Variants in ATM observed in about 807,000 individuals in gnomAD.
The protein encoded by ATM is ATM serine/threonine kinase, also known as serine-protein kinase ATM.
ATM carries 308 observed loss-of-function variants against 387.0 expected under a neutral mutation model. The ratio of observed to expected loss-of-function variants is 0.80; its 90% CI spans 0.73 to 0.87. The LOEUF (loss-of-function observed/expected upper bound fraction) is 0.87, where lower values mean the gene tolerates loss of function less well. ATM is among the 40% of genes least tolerant of loss of function. The probability of loss-of-function intolerance (pLI) is 0.00; values close to 1 mark genes in which losing one functional copy is unlikely to be tolerated. For missense variants in ATM, 3,312 were observed against 3,560.9 expected (o/e 0.93, Z 1.78); for synonymous variants, 1,156 against 1,187.3 (o/e 0.97, Z 0.54).
chr11:108,336,045 A>C, intron 56 of ATM, 84 bp downstream of exon 56: 3 of 1,083,834 alleles, frequency 2.8e-6, no homozygotes, highest in Non-Finnish European at 4.2e-6. Flanking sequence ...GCCCATATTC[A>C]TAATGCTTTG....
chr11:108,261,211 C>A (rs554646980), intron 16 of ATM, among the ~76,000 whole-genome samples: 1 of 152,362 alleles, frequency 6.6e-6, no homozygotes, highest in East Asian at 1.9e-4. Flanking sequence ...ACAGCAGTAA[C>A]CTCTGCAGAC....
chr11:108,268,985 A>G (rs1565420842), intron 18 of ATM, among the ~76,000 whole-genome samples: 2 of 152,204 alleles, frequency 1.3e-5, no homozygotes, highest in Non-Finnish European at 2.9e-5. Flanking sequence ...TGATTTCAAA[A>G]TGATAGTGAA....
At chr11:108,334,700 CCTT>C (rs1166276157) in intron 54 of ATM, among the ~76,000 whole-genome samples, 3 of 152,222 alleles carry the variant, frequency 2.0e-5, no homozygotes, top group South Asian at 4.1e-4. Flanking sequence ...CCAGAAAACT[CCTT>C]CTACTGTTTT....
chr11:108,266,789 ATTTT>A (rs893198517), intron 16 of ATM, among the ~76,000 whole-genome samples: 3 of 132,580 alleles, frequency 2.3e-5, no homozygotes, highest in African/African-American at 2.9e-5. Flanking sequence ...GATTAGGTAA[ATTTT>A]TTTTTTTTTT....
At position 108,365,190 on chromosome 11, in the gene ATM, G is replaced by T. The variant is rs863224582; in HGVS notation, c.8959G>T (p.Asp2987Tyr). The T allele has an allele frequency of 3.7e-6, 6 of 1,614,216 alleles. No homozygotes were observed. Among genetic ancestry groups the T allele is most frequent in the Middle Eastern group, 1.6e-4 (1 of 6,062 alleles). ...ETELHPTLNA[D>Y]DQECKRNLSD... ...TGAGCTTCACCCTACTCTGAATGCA[G>T]ATGACCAAGAATGCAAACGAAATCT... is the stretch of plus-strand genomic sequence containing the variant. The change falls in exon 62 of 63, where the codon GAT becomes TAT. Residue 2987 changes from aspartate to tyrosine, a missense_variant. Physicochemically the swap from Asp to Tyr is radical, Grantham distance 160. Transcript: ENST00000675843.
chr11:108,266,140 A>G (rs201174168), intron 16 of ATM, among the ~76,000 whole-genome samples: 2 of 149,616 alleles, frequency 1.3e-5, no homozygotes, highest in Admixed American at 1.3e-4. Context: ...CTGGGTATAT[A>G]CCCAAAGGAC....
rs1555055198 is a variant in ATM, at chr11:108,229,259, C to T, written c.267C>T (p.Ser89=). Residue 89 remains serine (S), a synonymous_variant, in exon 4 of 63, where the codon TCC becomes TCT. Transcript: ENST00000675843. ...ATGTATCAGCCTCAACACAAGCCTC[C>T]AGGCAGAAAAAGATGCAGGAAATCA... ...KPNVSASTQA[S]RQKKMQEISS... is the part of the protein sequence containing the mutation. 2.5e-6 allele frequency: 4 copies of T among 1,613,694 alleles called. No homozygotes were observed. Among genetic ancestry groups the T allele is most frequent in the South Asian group, 1.1e-5 (1 of 91,064 alleles).
intron 12 of ATM, among the ~76,000 whole-genome samples, chr11:108,253,597 T>G (rs2080271936): frequency 6.6e-6 from 1 of 151,620 alleles, no homozygotes; most frequent in Admixed American, 6.6e-5. Flanking sequence ...TCTCTATCTA[T>G]TAGTAAAATT....
chr11:108,263,800 T>C (rs1305046715), intron 16 of ATM, among the ~76,000 whole-genome samples: 2 of 150,000 alleles, frequency 1.3e-5, no homozygotes, highest in African/African-American at 4.9e-5. Context: ...AAAGGGGATA[T>C]CACCACCGAT....
chr11:108,229,500 T>C, intron 4 of ATM, 177 bp downstream of exon 4: 1 of 612,868 alleles, frequency 1.6e-6, no homozygotes, highest in Non-Finnish European at 2.7e-6. Context: ...AAAAGGTTTT[T>C]TTTTAGGGCT....
intron 16 of ATM, among the ~76,000 whole-genome samples, chr11:108,266,838 C>G (rs1008814233): frequency 6.7e-6 from 1 of 149,780 alleles, no homozygotes; most frequent in Non-Finnish European, 1.5e-5. Context: ...TCGTCAAACC[C>G]AGGCTGGAGT....
intron 44 of ATM, 120 bp downstream of exon 44, chr11:108,320,178 G>A (rs2085100341): frequency 1.3e-6 from 1 of 762,524 alleles, no homozygotes; most frequent in Non-Finnish European, 2.2e-6. Flanking sequence ...AAGACTTGGT[G>A]GCTGTGATCA....
At chr11:108,270,058 T>C in intron 18 of ATM, among the ~76,000 whole-genome samples, 1 of 152,196 alleles carries the variant, frequency 6.6e-6, no homozygotes, top group East Asian at 1.9e-4. Flanking sequence ...TTAAGAAATA[T>C]ATTATTCTAT....
At chr11:108,341,739 T>C (rs984805958) in intron 56 of ATM, among the ~76,000 whole-genome samples, 3 of 152,216 alleles carry the variant, frequency 2.0e-5, no homozygotes, top group African/African-American at 7.2e-5. Context: ...TACAATGATA[T>C]TCAACTTTTC....
intron 56 of ATM, among the ~76,000 whole-genome samples, chr11:108,340,619 TTTA>T (rs2136855591): frequency 6.6e-6 from 1 of 152,326 alleles, no homozygotes; most frequent in South Asian, 2.1e-4. Context: ...AAACCAACAG[TTTA>T]CTTCTGCTCT....
intron 27 of ATM, 34 bp downstream of exon 27, chr11:108,287,749 A>G (rs777761404): frequency 2.1e-6 from 3 of 1,445,586 alleles, no homozygotes; most frequent in South Asian, 2.3e-5. Context: ...AACTAGCTCT[A>G]ACTTCACAAG....
chr11:108,246,683 T>G (rs2079862196), intron 7 of ATM, among the ~76,000 whole-genome samples: 1 of 152,236 alleles, frequency 6.6e-6, no homozygotes, highest in South Asian at 2.1e-4. Flanking sequence ...AACATATTAA[T>G]TGTATTTGCC....
At chr11:108,363,137 A>C (rs1188254766) in intron 61 of ATM, among the ~76,000 whole-genome samples, 3 of 152,164 alleles carry the variant, frequency 2.0e-5, no homozygotes, top group Non-Finnish European at 4.4e-5. Flanking sequence ...TACCACAGTA[A>C]GACCCTTTCT....
In ATM at chr11:108,330,450, C is replaced by G. The variant is rs777680063; in HGVS notation, c.7515+29C>G. 25 of 1,609,818 alleles carry G rather than the reference C, an allele frequency of 1.6e-5. 1 individual carries two copies. The South Asian group carries it at 2.2e-4, about 14-fold the overall frequency. On this transcript the variant is annotated intron_variant, in intron 50 of 62. Coordinates refer to ENST00000675843, the MANE Select transcript of ATM (RefSeq NM_000051.4). ...AGTGTTACTCAGCCCAATATTCTAC[C>G]CTGTGCTTGAAAAACTTAGACATAA...
Sources: allele counts gnomAD v4.1 joint callset (sites outside exome capture counted in the v4.1 genomes callset), GRCh38; gene constraint gnomAD v4.1.1; transcripts MANE v1.5; gene names NCBI Gene and HGNC (gene_info 2026-07-23, HGNC 2026-07-21).